Variants in SCNN1G observed in about 807,000 individuals in gnomAD.
SCNN1G encodes epithelial sodium channel subunit gamma.
In SCNN1G, 27 loss-of-function variants were observed where a neutral mutation model predicts 64.6. The ratio of observed to expected loss-of-function variants is 0.42; its 90% CI spans 0.31 to 0.58. The LOEUF is 0.58. SCNN1G is among the 20% of genes least tolerant of loss of function. The pLI is 0.18. For missense variants in SCNN1G, 743 were observed against 823.4 expected (o/e 0.90, Z 1.19); for synonymous variants, 330 against 314.2 (o/e 1.05, Z -0.53).
chr16:23,189,761 G>C lies in SCNN1G; in HGVS notation c.618+90G>C, dbSNP rs1274112023. The C allele has an allele frequency of 5.6e-5, 71 of 1,273,002 alleles. 1 individual carries two copies. Among genetic ancestry groups the C allele is most frequent in the Non-Finnish European group, 1.1e-6 (1 of 870,946 alleles). The allele number at this position is 1,273,002 out of a possible 1,614,324, so 78.9% of individuals were successfully genotyped here. A position where few individuals can be genotyped will look rare whatever the true frequency, so the allele number is the denominator to read the frequency against. On this transcript the variant is annotated intron_variant, in intron 3 of 12. Coordinates refer to ENST00000300061, the MANE Select transcript of SCNN1G (RefSeq NM_001039.4). ...TTCTCCTTGACCACTAGCCCCTGTG[G>C]TCCAACTGGAAGAAATACACCCAGC...
At chr16:23,187,286 T>G (rs559529551) in intron 2 of SCNN1G, among the ~76,000 whole-genome samples, 5 of 152,116 alleles carry the variant, frequency 3.3e-5, no homozygotes, top group African/African-American at 1.2e-4. Flanking sequence ...AATTTTTTAT[T>G]TTTTAAGAGA....
In SCNN1G at chr16:23,211,211, T is replaced by A. The variant is rs574084913; in HGVS notation, c.1177-823T>A. 2.0e-5 allele frequency among the ~76,000 whole-genome samples: 3 copies of A among 152,356 alleles called. No individual in the cohort carries two copies. The East Asian group carries it at 5.8e-4, about 29-fold the overall frequency. ...CTGAGAGGTTAAGTAACTTGCATGA[T>A]GCCAAACAGCAGAAAAATAGCAAAG... On this transcript the variant is annotated intron_variant, in intron 7 of 12. Coordinates refer to ENST00000300061, the MANE Select transcript of SCNN1G (RefSeq NM_001039.4).
intron 6 of SCNN1G, among the ~76,000 whole-genome samples, chr16:23,204,142 G>C (rs947553160): frequency 2.0e-5 from 3 of 150,570 alleles, no homozygotes; most frequent in Non-Finnish European, 3.0e-5. Context: ...AGCCAGCCGT[G>C]GTGGCACACA....
intron 6 of SCNN1G, among the ~76,000 whole-genome samples, chr16:23,200,142 C>G (rs976125671): frequency 2.2e-4 from 33 of 152,122 alleles, no homozygotes; most frequent in African/African-American, 7.5e-4. Context: ...GTTTCCAAAC[C>G]TGGTTGATTA....
intron 6 of SCNN1G, among the ~76,000 whole-genome samples, chr16:23,208,644 CCTTT>C (rs1960030828): frequency 7.3e-6 from 1 of 137,880 alleles, no homozygotes; most frequent in Admixed American, 7.4e-5. Context: ...GCCCTTCCTT[CCTTT>C]CTCTCTCTCT....
At chr16:23,192,266 G>T in intron 3 of SCNN1G, 86 bp from the exon 4 acceptor site, 1 of 1,077,236 alleles carries the variant, frequency 9.3e-7, no homozygotes. Flanking sequence ...ATCTGGCCTG[G>T]AGTCTCAGTC....
intron 5 of SCNN1G, among the ~76,000 whole-genome samples, chr16:23,195,390 A>G (rs1959779462): frequency 1.3e-5 from 2 of 152,242 alleles, no homozygotes; most frequent in Non-Finnish European, 2.9e-5. Flanking sequence ...GAAGGTAGGA[A>G]CTGAACAGAT....
chr16:23,194,349 C>A (rs1006107872), intron 5 of SCNN1G, 75 bp downstream of exon 5: 6 of 1,023,680 alleles, frequency 5.9e-6, no homozygotes, highest in African/African-American at 1.6e-5. Flanking sequence ...AGTGGGGATG[C>A]GGGAGCCCTC....
At chr16:23,200,254 A>G (rs1959867751) in intron 6 of SCNN1G, among the ~76,000 whole-genome samples, 1 of 152,054 alleles carries the variant, frequency 6.6e-6, no homozygotes, top group South Asian at 2.1e-4. Flanking sequence ...CACCCTTGGG[A>G]GTCTTGGCTT....
intron 3 of SCNN1G, among the ~76,000 whole-genome samples, chr16:23,190,370 TG>T (rs1290426750): frequency 7.0e-6 from 1 of 142,222 alleles, no homozygotes; most frequent in South Asian, 2.5e-4. Flanking sequence ...TTTTAAGTAG[TG>T]GGGGGCAGAG....
chr16:23,200,830 G>A (rs1167763248), intron 6 of SCNN1G, among the ~76,000 whole-genome samples: 1 of 152,194 alleles, frequency 6.6e-6, no homozygotes, highest in Non-Finnish European at 1.5e-5. Context: ...CTGAGACAGC[G>A]AGATGATGAA....
chr16:23,197,898 A>G (rs1225218862), intron 6 of SCNN1G, among the ~76,000 whole-genome samples: 3 of 151,412 alleles, frequency 2.0e-5, no homozygotes, highest in African/African-American at 7.3e-5. Context: ...AAAAGGTTGT[A>G]TTTGTATGGA....
rs56318076 is a variant in SCNN1G, at chr16:23,193,069, CAAAAAAAAAA to C, written c.809+546_809+555del. ...GGGCTGCAGAGTGAGACTCTTGTCT[CAAAAAAAAAA>C]AAAAAAAAAAAAAAAAAACCCAACC... On this transcript the variant is annotated intron_variant, in intron 4 of 12. Transcript: ENST00000300061. Among the ~76,000 whole-genome samples, 200 of 69,124 alleles carry C rather than the reference CAAAAAAAAAA, an allele frequency of 2.9e-3. 1 individual carries two copies. Among genetic ancestry groups the C allele is most frequent in the South Asian group, 5.4e-3 (10 of 1,856 alleles). The allele number at this position is 69,124 out of a possible 152,430, so 45.3% of individuals were successfully genotyped here.
intron 8 of SCNN1G, 29 bp downstream of exon 8, chr16:23,212,180 T>C: frequency 1.4e-6 from 2 of 1,460,104 alleles, no homozygotes; most frequent in Non-Finnish European, 9.6e-7. Context: ...CAGCCTTGCA[T>C]GCCCCAGGAC....
chr16:23,196,971 C>T (rs529313861), intron 5 of SCNN1G, among the ~76,000 whole-genome samples: 1 of 152,330 alleles, frequency 6.6e-6, no homozygotes, highest in South Asian at 2.1e-4. Context: ...ATTCATGTCT[C>T]AGGCAGAGTG....
intron 11 of SCNN1G, among the ~76,000 whole-genome samples, chr16:23,213,552 C>T (rs1199021401): frequency 1.3e-5 from 2 of 152,084 alleles, no homozygotes; most frequent in Non-Finnish European, 2.9e-5. Flanking sequence ...AAGCCTGGCC[C>T]CCTCTCCTTT....
chr16:23,183,696 T>A (rs1455482015), intron 1 of SCNN1G, among the ~76,000 whole-genome samples: 1 of 145,024 alleles, frequency 6.9e-6, no homozygotes, highest in African/African-American at 2.4e-5. Context: ...GCACCTCATA[T>A]AACTGTAGTG....
At position 23,194,195 on chromosome 16, in the gene SCNN1G, G is replaced by A. The variant is rs775911802; in HGVS notation, c.834G>A (p.Pro278=). ...GGAATTTCACGCTTTTCCACCACCCGATGCATGGGAATTGCTATACTTTCA... is the reference window on the plus strand; with the variant it reads ...GGAATTTCACGCTTTTCCACCACCCAATGCATGGGAATTGCTATACTTTCA... ...DARNFTLFHH[P]MHGNCYTFNN... is the part of the protein sequence containing the mutation. Residue 278 remains proline (P), a synonymous_variant, in exon 5 of 13, where the codon CCG becomes CCA. Transcript: ENST00000300061. 1.9e-5 allele frequency: 30 copies of A among 1,613,586 alleles called. No individual in the cohort carries two copies. The highest frequency in any genetic ancestry group is 8.9e-5 in the East Asian group (4 of 44,880).
chr16:23,213,224 T>A, intron 11 of SCNN1G, 61 bp downstream of exon 11: 1 of 1,168,968 alleles, frequency 8.6e-7, no homozygotes, highest in Non-Finnish European at 1.3e-6. Flanking sequence ...CCTTCTCACT[T>A]GCTTCTGTAT....
Sources: gnomAD v4.1 joint callset for allele counts (sites outside exome capture counted in the v4.1 genomes callset) on GRCh38, gnomAD v4.1.1 for gene constraint, MANE v1.5 for transcripts, NCBI Gene and HGNC (gene_info 2026-07-23, HGNC 2026-07-21) for gene names.